TP73: variants seen among roughly 807,000 people sequenced by gnomAD.
The protein encoded by TP73 is tumor protein p73, also known as p53-like transcription factor.
In TP73, 25 loss-of-function variants were observed where a neutral mutation model predicts 62.5. The observed-to-expected ratio is 0.40, with a 90% CI of 0.29 to 0.56. TP73 has a LOEUF of 0.56. Ranked by LOEUF, TP73 falls within the 20% of genes least tolerant of loss-of-function variation. The pLI, the probability that TP73 is intolerant of heterozygous loss-of-function variation, is 0.46. For synonymous variants in TP73, 423 were observed against 377.5 expected, an observed-to-expected ratio of 1.12 and a Z score of -1.40; for missense variants, 754 against 913.3, an observed-to-expected ratio of 0.83 and a Z score of 2.25.
At chr1:3,660,452 A>G (rs1644965146) in intron 1 of TP73, among the ~76,000 whole-genome samples, 1 of 152,244 alleles carries the variant, frequency 6.6e-6, no homozygotes. Context: ...GAGCTAACCA[A>G]CATTTCCAGT....
At chr1:3,688,273 G>A (rs1028285840) in intron 3 of TP73, among the ~76,000 whole-genome samples, 1 of 152,188 alleles carries the variant, frequency 6.6e-6, no homozygotes, top group African/African-American at 2.4e-5. Context: ...ACCCCACCCA[G>A]CACCCAGGTC....
chr1:3,683,100 C>A lies in TP73; in HGVS notation c.106C>A (p.Arg36=). The change falls in exon 3 of 14, where the codon CGG becomes AGG. Residue 36 remains arginine (R), a synonymous_variant. Coordinates refer to ENST00000378295, the MANE Select transcript of TP73 (RefSeq NM_005427.4). ...STYFDLPQSS[R]GNNEVVGGTD... is the part of the protein sequence containing the mutation. ...CTACTTCGACCTTCCCCAGTCAAGC[C>A]GGGGGAATAATGAGGTGGTGGGCGG... The A allele has an allele frequency of 6.2e-7, 1 of 1,612,250 alleles. No homozygotes were observed. Among genetic ancestry groups the A allele is most frequent in the Non-Finnish European group, 8.5e-7 (1 of 1,178,722 alleles).
chr1:3,705,160 C>G (rs1195979833), intron 3 of TP73, among the ~76,000 whole-genome samples: 1 of 152,262 alleles, frequency 6.6e-6, no homozygotes, highest in East Asian at 1.9e-4. Flanking sequence ...CCTCTGCCCC[C>G]CAGAATGCTG....
At chr1:3,660,811 T>C (rs535134329) in intron 1 of TP73, among the ~76,000 whole-genome samples, 3 of 152,242 alleles carry the variant, frequency 2.0e-5, no homozygotes, top group Non-Finnish European at 4.4e-5. Context: ...AACAGTTAAC[T>C]GTGTATGACA....
rs2124547149 is a variant in TP73, at chr1:3,731,557, G to A, written c.1578+1G>A. On this transcript the variant is annotated splice_donor_variant, in intron 13 of 13. Transcript: ENST00000378295. LOFTEE classifies it high-confidence loss of function. ...CCACCTGCAGAACCTGACCATTGAGGTAACGCCCGGGTGGACCCCGCTCTG... is the reference window on the plus strand; with the variant it reads ...CCACCTGCAGAACCTGACCATTGAGATAACGCCCGGGTGGACCCCGCTCTG... 6.2e-7 allele frequency: 1 copy of A among 1,613,628 alleles called. No individual in the cohort carries two copies. The highest frequency in any genetic ancestry group is 8.5e-7 in the Non-Finnish European group (1 of 1,179,962).
Position 3,733,022 on chromosome 1 carries a change from C to T in TP73, c.1854C>T (p.Asp618=), listed in dbSNP as rs1465557338. The T allele has an allele frequency of 6.4e-7, 1 of 1,553,818 alleles. No individual in the cohort carries two copies. Among genetic ancestry groups the T allele is most frequent in the Non-Finnish European group, 8.7e-7 (1 of 1,154,046 alleles). ...CGGACTTCGGCTTCGACCTGCCCGA[C>T]TGCAAGGCCCGCAAGCAGCCCATCA... ...EWADFGFDLP[D]CKARKQPIKE... Residue 618 remains aspartate, a synonymous_variant, in exon 14 of 14, where the codon GAC becomes GAT. Transcript: ENST00000378295.
chr1:3,734,325 G>C lies in TP73; in HGVS notation c.*1246G>C, dbSNP rs1642342735. On this transcript the variant is annotated 3_prime_UTR_variant, in exon 14 of 14. Coordinates refer to ENST00000378295, the MANE Select transcript of TP73 (RefSeq NM_005427.4). This position sits in a 1 kb window ranked among gnomAD's most constrained non-coding sequence, Gnocchi z 4.4. ...TTTCTGGGGCCACCTCCATCCACGAGGAGCAGCCTGAGCCTTGGTGGCCGA... is the reference window on the plus strand; with the variant it reads ...TTTCTGGGGCCACCTCCATCCACGACGAGCAGCCTGAGCCTTGGTGGCCGA... 6.6e-6 allele frequency: 1 copy of C among 152,306 alleles called. No homozygotes were observed. Among genetic ancestry groups the C allele is most frequent in the South Asian group, 2.1e-4 (1 of 4,834 alleles). 9.4% of individuals were successfully genotyped at this position (152,306 alleles called of 1,614,324 possible).
At chr1:3,721,972 G>T (rs751097858) in intron 4 of TP73, 49 bp from the exon 5 acceptor site, 5 of 1,537,776 alleles carry the variant, frequency 3.3e-6, no homozygotes, top group African/African-American at 1.4e-5. Flanking sequence ...CCTGGACAGG[G>T]GTGCAGTTGG....
At chr1:3,718,025 G>C (rs1305667123) in intron 4 of TP73, among the ~76,000 whole-genome samples, 2 of 152,332 alleles carry the variant, frequency 1.3e-5, no homozygotes, top group Middle Eastern at 6.8e-3. Flanking sequence ...ATCGCCTGAG[G>C]ACAGGGGCCT....
At chr1:3,697,424 A>G (rs1284896924) in intron 3 of TP73, among the ~76,000 whole-genome samples, 1 of 152,034 alleles carries the variant, frequency 6.6e-6, no homozygotes, top group Non-Finnish European at 1.5e-5. Context: ...AAACACCCCC[A>G]GGCCCACCCA....
chr1:3,712,198 G>A (rs1640206949), intron 4 of TP73: 1 of 152,266 alleles, frequency 6.6e-6, no homozygotes, highest in African/African-American at 2.4e-5. Context: ...TAAAGCTGAG[G>A]GAAGAGTTCT....
chr1:3,687,624 C>CACAGGAGGGG (rs1218328951), intron 3 of TP73, among the ~76,000 whole-genome samples: 1 of 152,162 alleles, frequency 6.6e-6, no homozygotes, highest in Non-Finnish European at 1.5e-5. Flanking sequence ...GGAGGGAGGA[C>CACAGGAGGGG]ACAGGAGGGG....
In TP73 at chr1:3,733,048, A is replaced by G. The variant is rs1350483927; in HGVS notation, c.1880A>G (p.Lys627Arg). The change falls in exon 14 of 14, where the codon AAG becomes AGG. Residue 627 changes from lysine (K) to arginine (R), a missense_variant. By Grantham distance (26) the Lys-to-Arg change is conservative (BLOSUM62 2). Coordinates refer to ENST00000378295, the MANE Select transcript of TP73 (RefSeq NM_005427.4). ...PDCKARKQPI[K>R]EEFTEAEIH ...TGCAAGGCCCGCAAGCAGCCCATCA[A>G]GGAGGAGTTCACGGAGGCCGAGATC... is the stretch of plus-strand genomic sequence containing the variant. The G allele has an allele frequency of 6.5e-7, 1 of 1,541,628 alleles. No homozygotes were observed. Among genetic ancestry groups the G allele is most frequent in the Admixed American group, 1.9e-5 (1 of 51,508 alleles).
chr1:3,727,105 C>A lies in TP73; in HGVS notation c.733-10C>A, dbSNP rs758724654. The A allele has an allele frequency of 6.2e-7, 1 of 1,609,230 alleles. No individual in the cohort carries two copies. The highest frequency in any genetic ancestry group is 1.1e-5 in the South Asian group (1 of 90,876). On this transcript the variant is annotated splice_polypyrimidine_tract_variant and intron_variant, in intron 6 of 13. Coordinates refer to ENST00000378295, the MANE Select transcript of TP73 (RefSeq NM_005427.4). The stretch of plus-strand genomic sequence containing the variant: ...GATGCTAGCCCCTCTCCCTGCTCCC[C>A]CATGTGCAGGTGGGGACGGAATTCA...
intron 1 of TP73, among the ~76,000 whole-genome samples, chr1:3,674,377 G>A (rs1645313307): frequency 6.6e-6 from 1 of 152,232 alleles, no homozygotes; most frequent in Non-Finnish European, 1.5e-5. Context: ...ACCCCACCGT[G>A]GGAGGCTGTG....
At chr1:3,729,505 C>A in intron 10 of TP73, 57 bp downstream of exon 10, 1 of 1,608,692 alleles carries the variant, frequency 6.2e-7, no homozygotes, top group South Asian at 1.1e-5. Context: ...CTTAACCCCC[C>A]AGGAGAAGGC....
rs1436693019 is a variant in TP73 at position 3,727,689 on chromosome 1, C to T, written c.904C>T (p.Arg302Ter). Reference protein sequence around the residue: ...GRICACPGRDRKADEDHYREQ... With the variant: ...GRICACPGRD ...CATCTGCGCCTGTCCTGGCCGCGACCGAAAAGCTGATGAGGACCACTACCG... is the reference window on the plus strand; with the variant it reads ...CATCTGCGCCTGTCCTGGCCGCGACTGAAAAGCTGATGAGGACCACTACCG... Residue 302 changes from arginine (R) to a stop codon, truncating the protein, a stop_gained, in exon 8 of 14, where the codon CGA becomes TGA. Transcript: ENST00000378295. LOFTEE classifies it high-confidence loss of function. 6.3e-7 allele frequency: 1 copy of T among 1,591,842 alleles called. No individual in the cohort carries two copies. Among genetic ancestry groups the T allele is most frequent in the Non-Finnish European group, 8.5e-7 (1 of 1,171,468 alleles).
intron 1 of TP73, among the ~76,000 whole-genome samples, chr1:3,681,881 G>A (rs1363187378): frequency 9.2e-6 from 1 of 108,504 alleles, no homozygotes; most frequent in Non-Finnish European, 2.3e-5. Flanking sequence ...TCACACACTT[G>A]TTCCGGCCCA....
intron 1 of TP73, among the ~76,000 whole-genome samples, chr1:3,665,920 G>T (rs1161872918): frequency 1.3e-5 from 2 of 149,942 alleles, no homozygotes; most frequent in African/African-American, 4.9e-5. Context: ...GGATCACCAG[G>T]TCAGGAGTTT....
Sources: allele counts gnomAD v4.1 joint callset (sites outside exome capture counted in the v4.1 genomes callset), GRCh38; gene constraint gnomAD v4.1.1; non-coding constraint Gnocchi (gnomAD v3.1); transcripts MANE v1.5; gene names NCBI Gene and HGNC (gene_info 2026-07-23, HGNC 2026-07-21).